Variants in MORN1 observed in about 807,000 individuals in gnomAD.
MORN1 encodes the protein MORN repeat containing 1.
MORN1 carries 67 observed loss-of-function variants against 61.9 expected under a neutral mutation model. The observed-to-expected ratio is 1.08, with a 90% CI of 0.89 to 1.33. The LOEUF (loss-of-function observed/expected upper bound fraction) is 1.33. Among genes scored for constraint, MORN1 ranks in the 40% most tolerant of loss-of-function variants. The pLI is 0.00. For synonymous variants in MORN1, 301 were observed against 292.0 expected (o/e 1.03, Z -0.31); for missense variants, 752 against 691.2 (o/e 1.09, Z -0.99).
At chr1:2,332,889 G>A (rs904192860) in intron 12 of MORN1, 2 of 366,354 alleles carry the variant, frequency 5.5e-6, no homozygotes, top group African/African-American at 2.1e-5. Flanking sequence ...GCTCTGTCGG[G>A]GACTGGGGCT....
chr1:2,341,705 A>AG (rs1002948530), intron 10 of MORN1, among the ~76,000 whole-genome samples: 31 of 150,660 alleles, frequency 2.1e-4, no homozygotes, highest in African/African-American at 6.9e-4. Context: ...AAAAAAAAAA[A>AG]AAAAAGAAAA....
chr1:2,374,671 T>A, intron 6 of MORN1, 114 bp from the exon 7 acceptor site: 1 of 809,640 alleles, frequency 1.2e-6, no homozygotes, highest in Non-Finnish European at 2.0e-6. Flanking sequence ...CAAAGGCTGC[T>A]AGAAAACCAC....
chr1:2,324,812 A>G (rs931764574), intron 12 of MORN1, among the ~76,000 whole-genome samples: 1 of 152,044 alleles, frequency 6.6e-6, no homozygotes, highest in African/African-American at 2.4e-5. Context: ...CTGAACTGCA[A>G]CAAGTGATGG....
rs548203321 is a variant in MORN1 at position 2,336,762 on chromosome 1, G to T, written c.1125C>A (p.Pro375=). Residue 375 remains proline (P), a synonymous_variant, in exon 11 of 14, where the codon CCC becomes CCA. Transcript: ENST00000378531. ...AEFTDVLLGP[P]PPGYHPFLFL... is the part of the protein sequence containing the mutation. ...ACAGGAAGGGGTGGTACCCAGGCGGGGGCGGCCCCAGGAGGACATCTGTGA... is the reference window on the plus strand; with the variant it reads ...ACAGGAAGGGGTGGTACCCAGGCGGTGGCGGCCCCAGGAGGACATCTGTGA... 49 of 1,603,264 alleles carry T rather than the reference G, an allele frequency of 3.1e-5. 1 individual carries two copies. The South Asian group carries it at 5.2e-4, about 17-fold the overall frequency.
chr1:2,357,520 T>TGCCCC lies in MORN1; in HGVS notation c.943_947dup (p.Glu317GlyfsTer118), dbSNP rs779816908. 13 of 1,612,752 alleles carry TGCCCC rather than the reference T, an allele frequency of 8.1e-6. No individual in the cohort carries two copies. The African/African-American group carries it at 1.5e-4, about 18-fold the overall frequency. On this transcript the variant is annotated frameshift_variant, in exon 10 of 14. Transcript: ENST00000378531. LOFTEE classifies it high-confidence loss of function. The surrounding 1 kb of genome is among the most constrained non-coding windows in gnomAD (Gnocchi z 6.3). ...CCCTGGGCAGGGGCACGTCGGCTTC[T>TGCCCC]GCCCCTCCCTTGGCAGCTCTGGGCC...
At position 2,337,146 on chromosome 1, in the gene MORN1, C is replaced by G. The variant is rs984891740; in HGVS notation, c.1037-296G>C. Among the ~76,000 whole-genome samples, 6 of 152,164 alleles carry G rather than the reference C, an allele frequency of 3.9e-5. No individual in the cohort carries two copies. Among genetic ancestry groups the G allele is most frequent in the Non-Finnish European group, 7.4e-5 (5 of 68,020 alleles). On this transcript the variant is annotated intron_variant, in intron 10 of 13. Coordinates refer to ENST00000378531, the MANE Select transcript of MORN1 (RefSeq NM_024848.3). This position sits in a 1 kb window ranked among gnomAD's most constrained non-coding sequence, Gnocchi z 5.7. ...AGCGCTTTGCAGTGGGAAGGGTCTC[C>G]CATCAGCAGCCCCCGTCAGCCGAGG...
chr1:2,348,548 C>T (rs1427758591), intron 10 of MORN1, among the ~76,000 whole-genome samples: 6 of 152,186 alleles, frequency 3.9e-5, no homozygotes, highest in Admixed American at 1.3e-4. Flanking sequence ...GCTGGGGAGC[C>T]GCTGCCCACG....
At chr1:2,322,822 C>G (rs762499966) in intron 13 of MORN1, 7 of 985,448 alleles carry the variant, frequency 7.1e-6, no homozygotes, top group Non-Finnish European at 8.4e-6. Flanking sequence ...CAGGCCCCAT[C>G]TGACCCCACT....
chr1:2,388,794 AAAAAAAGAG>A (rs1257387313), intron 2 of MORN1, among the ~76,000 whole-genome samples: 235 of 150,338 alleles, frequency 1.6e-3, no homozygotes, highest in Middle Eastern at 0.01. Flanking sequence ...AAAAAAAAAA[AAAAAAAGAG>A]AGAGAGAGAA....
rs115468591 is a variant in MORN1 at position 2,334,580 on chromosome 1, C to A, written c.1250+1889G>T. On this transcript the variant is annotated intron_variant, in intron 12 of 13. Transcript: ENST00000378531. This position sits in a 1 kb window ranked among gnomAD's most constrained non-coding sequence, Gnocchi z 5.4. ...TGCCTGTCCCAACACGACGAGAGGG[C>A]CCTGGCTGTGTGGCCGTGGAGCCGG... is the stretch of plus-strand genomic sequence containing the variant. Among the ~76,000 whole-genome samples, 1 of 152,076 alleles carries A rather than the reference C, an allele frequency of 6.6e-6. No individual in the cohort carries two copies. The highest frequency in any genetic ancestry group is 2.1e-4 in the South Asian group (1 of 4,822).
At chr1:2,363,812 ATAT>A (rs1641946468) in intron 8 of MORN1, among the ~76,000 whole-genome samples, 1 of 95,576 alleles carries the variant, frequency 1.0e-5, no homozygotes, top group Non-Finnish European at 2.0e-5. Context: ...AAACAAAAAA[ATAT>A]ATATATATAT....
At chr1:2,333,323 T>C (rs1641198715) in intron 12 of MORN1, among the ~76,000 whole-genome samples, 1 of 152,060 alleles carries the variant, frequency 6.6e-6, no homozygotes, top group Non-Finnish European at 1.5e-5. Flanking sequence ...AGCAGCCGGG[T>C]CAGCCCCGGG....
At chr1:2,325,140 C>CTTCCTTCCCTCCCTTCCTTCCT (rs371807562) in intron 12 of MORN1, among the ~76,000 whole-genome samples, 1 of 6,690 alleles carries the variant, frequency 1.5e-4, no homozygotes, top group African/African-American at 9.2e-4. Flanking sequence ...CCTTCCCTCC[C>CTTCCTTCCCTCCCTTCCTTCCT]TCCCTCCCTT....
chr1:2,388,581 C>CTTTTTTA, intron 2 of MORN1: 22 of 471,150 alleles, frequency 4.7e-5, no homozygotes, highest in East Asian at 8.1e-5. Context: ...TGCAGGCAGC[C>CTTTTTTA]AGCCTGAGCA....
At chr1:2,370,201 G>A (rs1039688380) in intron 8 of MORN1, among the ~76,000 whole-genome samples, 4 of 152,164 alleles carry the variant, frequency 2.6e-5, no homozygotes, top group Non-Finnish European at 4.4e-5. Flanking sequence ...TGACTCTTAG[G>A]GCTGACTGAT....
chr1:2,333,912 A>C (rs1351155823), intron 12 of MORN1, among the ~76,000 whole-genome samples: 1 of 106,994 alleles, frequency 9.3e-6, no homozygotes, highest in Non-Finnish European at 2.5e-5. Context: ...TGGAAAGAAC[A>C]GCTTTCTTAG....
Position 2,388,267 on chromosome 1 carries a change from T to C in MORN1, c.219A>G (p.Gly73=). 1 of 1,613,938 alleles carries C rather than the reference T, an allele frequency of 6.2e-7. No homozygotes were observed. The highest frequency in any genetic ancestry group is 1.1e-5 in the South Asian group (1 of 91,082). The change falls in exon 3 of 14, where the codon GGA becomes GGG. Residue 73 remains glycine, a synonymous_variant. Coordinates refer to ENST00000378531, the MANE Select transcript of MORN1 (RefSeq NM_024848.3). ...ACCAGGCCCAGTGCCGGCGGCCTTC[T>C]CCCGTGATCTCTCCGTCCACAAACG... is the stretch of plus-strand genomic sequence containing the variant. ...EGAFVDGEIT[G]EGRRHWAWSG... is the part of the protein sequence containing the mutation.
At position 2,321,437 on chromosome 1, in the gene MORN1, T is replaced by G; in HGVS notation, c.1440A>C (p.Ser480=). The G allele has an allele frequency of 6.5e-7, 1 of 1,541,828 alleles. No homozygotes were observed. The highest frequency in any genetic ancestry group is 8.7e-7 in the Non-Finnish European group (1 of 1,142,862). The change falls in exon 14 of 14, where the codon TCA becomes TCC. Residue 480 remains serine, a synonymous_variant. Coordinates refer to ENST00000378531, the MANE Select transcript of MORN1 (RefSeq NM_024848.3). ...PHVLEEGPEA[S]SSWQAAHSCT... The stretch of plus-strand genomic sequence containing the variant: ...AGCTGTGGGCGGCCTGCCAGCTGCT[T>G]GAGGCTTCAGGGCCTTCTTCCAGGA...
intron 12 of MORN1, among the ~76,000 whole-genome samples, chr1:2,325,122 C>CTT (rs1640981069): frequency 1.5e-5 from 1 of 68,582 alleles, no homozygotes; most frequent in African/African-American, 9.2e-5. Flanking sequence ...CCCTTCCTTC[C>CTT]CTTCCTTCCT....
Sources: allele counts gnomAD v4.1 joint callset (sites outside exome capture counted in the v4.1 genomes callset), GRCh38; gene constraint gnomAD v4.1.1; non-coding constraint Gnocchi (gnomAD v3.1); transcripts MANE v1.5; gene names NCBI Gene and HGNC (gene_info 2026-07-23, HGNC 2026-07-21).